The following NAALADL2 variants were observed in gnomAD, a reference collection of about 807,000 sequenced individuals.
NAALADL2 encodes the protein N-acetylated alpha-linked acidic dipeptidase like 2.
Under a neutral mutation model 87.2 loss-of-function variants are expected in NAALADL2, and 76 were observed. The ratio of observed to expected loss-of-function variants is 0.87; its 90% CI spans 0.72 to 1.05. The LOEUF (loss-of-function observed/expected upper bound fraction) is 1.05, where lower values mean the gene tolerates loss of function less well. Among genes scored for constraint, NAALADL2 ranks in the 50% least tolerant of loss-of-function variants. The pLI is 0.00. For missense variants in NAALADL2, 1,089 were observed against 945.8 expected, an observed-to-expected ratio of 1.15 and a Z score of -1.99; for synonymous variants, 354 against 331.0, an observed-to-expected ratio of 1.07 and a Z score of -0.75.
intron 2 of NAALADL2, among the ~76,000 whole-genome samples, chr3:174,622,999 C>T (rs575470834): frequency 1.6e-4 from 24 of 152,210 alleles, no homozygotes; most frequent in Non-Finnish European, 2.4e-4. Context: ...GCCAAGATCG[C>T]GCCACTGCAC....
intron 1 of NAALADL2, among the ~76,000 whole-genome samples, chr3:175,063,904 G>A (rs78620147): frequency 0.11 from 17,010 of 152,072 alleles, 1,085 homozygotes; most frequent in East Asian, 0.21. Context: ...ATTTTTAAAT[G>A]CTATTTAACT....
chr3:175,487,530 A>G (rs1463631269), intron 9 of NAALADL2: 2 of 456,454 alleles, frequency 4.4e-6, no homozygotes, highest in Non-Finnish European at 8.8e-6. Context: ...TCCTCCAGGA[A>G]CCTTAGTTCC....
intron 6 of NAALADL2, among the ~76,000 whole-genome samples, 163 bp downstream of exon 6, chr3:175,447,535 G>C (rs1180368962): frequency 2.6e-5 from 4 of 152,146 alleles, no homozygotes; most frequent in Non-Finnish European, 2.9e-5. Flanking sequence ...AGCATGTTTG[G>C]AAAGTAATTT....
chr3:175,653,810 T>C lies in NAALADL2; in HGVS notation c.1896+26424T>C, dbSNP rs190980957. 1.0e-3 allele frequency among the ~76,000 whole-genome samples: 158 copies of C among 152,332 alleles called. 1 individual carries two copies. The highest frequency in any genetic ancestry group is 1.8e-3 in the Admixed American group (28 of 15,298). On this transcript the variant is annotated intron_variant, in intron 11 of 13. Transcript: ENST00000454872. ...CCTTTCCATAGAGTACTGTGTATAATGAGCCTTAAAATTTTGTAAGACTCC... is the reference window on the plus strand; with the variant it reads ...CCTTTCCATAGAGTACTGTGTATAACGAGCCTTAAAATTTTGTAAGACTCC...
At chr3:175,301,052 G>A (rs1035191521) in intron 4 of NAALADL2, among the ~76,000 whole-genome samples, 3 of 152,102 alleles carry the variant, frequency 2.0e-5, no homozygotes, top group Non-Finnish European at 4.4e-5. Context: ...ACCACACCAG[G>A]TCTGATTCTT....
chr3:175,479,001 A>G (rs1448562058), intron 9 of NAALADL2, among the ~76,000 whole-genome samples: 1 of 151,884 alleles, frequency 6.6e-6, no homozygotes, highest in Non-Finnish European at 1.5e-5. Context: ...GACATATGAC[A>G]ATTTATATAG....
intron 1 of NAALADL2, among the ~76,000 whole-genome samples, chr3:174,914,187 C>T (rs898291127): frequency 5.3e-5 from 8 of 151,554 alleles, no homozygotes; most frequent in Admixed American, 2.6e-4. Flanking sequence ...CTCAGCCTCC[C>T]GAGTAGTTGG....
At chr3:174,555,095 G>A (rs1712593797) in intron 2 of NAALADL2, among the ~76,000 whole-genome samples, 1 of 152,160 alleles carries the variant, frequency 6.6e-6, no homozygotes, top group Non-Finnish European at 1.5e-5. Context: ...CTGGAGATTA[G>A]CTTTCTACAT....
rs149358803 is a variant in NAALADL2 at position 175,728,145 on chromosome 3, G to A, written c.1897-9161G>A. On this transcript the variant is annotated intron_variant, in intron 11 of 13. Coordinates refer to ENST00000454872, the MANE Select transcript of NAALADL2 (RefSeq NM_207015.3). ...CATAAATCTTGCTATAGGTCAAGGG[G>A]AGCAATGGAAAGGAAGTGAGACAAA... 7.2e-5 allele frequency among the ~76,000 whole-genome samples: 11 copies of A among 152,226 alleles called. No homozygotes were observed. In the East Asian group the frequency reaches 2.1e-3, roughly 29 times the overall value.
At chr3:175,147,997 G>C (rs986584754) in intron 2 of NAALADL2, among the ~76,000 whole-genome samples, 1 of 151,388 alleles carries the variant, frequency 6.6e-6, no homozygotes, top group Non-Finnish European at 1.5e-5. Context: ...TTGAACCCAG[G>C]AGGCAGAAGT....
intron 1 of NAALADL2, among the ~76,000 whole-genome samples, chr3:175,092,960 A>G (rs1720422277): frequency 6.6e-6 from 1 of 151,902 alleles, no homozygotes; most frequent in African/African-American, 2.4e-5. Context: ...GGTGTTACAG[A>G]TATTTCCATC....
intron 2 of NAALADL2, among the ~76,000 whole-genome samples, chr3:175,135,320 G>A (rs144883207): frequency 0.012 from 1,798 of 152,240 alleles, 47 homozygotes; most frequent in African/African-American, 0.041. Flanking sequence ...AATTCATTGT[G>A]TTGGGAAGAT....
rs572656733 is a variant in NAALADL2, at chr3:174,493,108, C to T, written c.-184+52076C>T. 1.4e-4 allele frequency among the ~76,000 whole-genome samples: 21 copies of T among 152,198 alleles called. No homozygotes were observed. The South Asian group carries it at 4.2e-3, about 30-fold the overall frequency. ...AAAACTTTCAAAAACATAACTAGAACCCAGCTTTTTTATTTGAGTGAGGAT... is the reference window on the plus strand; with the variant it reads ...AAAACTTTCAAAAACATAACTAGAATCCAGCTTTTTTATTTGAGTGAGGAT... On this transcript the variant is annotated intron_variant, in intron 1 of 3. Transcript: ENST00000434257.
chr3:175,381,359 A>C (rs1767758831), intron 5 of NAALADL2, among the ~76,000 whole-genome samples: 1 of 151,716 alleles, frequency 6.6e-6, no homozygotes, highest in Non-Finnish European at 1.5e-5. Flanking sequence ...CATGTAAAAA[A>C]GATTAGTTAC....
At chr3:174,463,163 G>A (rs192707955) in intron 1 of NAALADL2, among the ~76,000 whole-genome samples, 47 of 152,294 alleles carry the variant, frequency 3.1e-4, no homozygotes, top group African/African-American at 9.6e-4. Flanking sequence ...GATTTTGTGA[G>A]ATCCTGCAGA....
intron 3 of NAALADL2, among the ~76,000 whole-genome samples, chr3:174,764,992 C>T (rs1327589988): frequency 6.6e-6 from 1 of 151,966 alleles, no homozygotes; most frequent in Middle Eastern, 3.2e-3. Context: ...TTACTTTCTA[C>T]CTTTGTTTTT....
At chr3:174,599,779 C>T (rs1293450115) in intron 2 of NAALADL2, among the ~76,000 whole-genome samples, 1 of 152,048 alleles carries the variant, frequency 6.6e-6, no homozygotes, top group East Asian at 1.9e-4. Context: ...GATAATTCTT[C>T]TCTAGGTGTT....
At chr3:175,391,497 C>T (rs1021380824) in intron 5 of NAALADL2, among the ~76,000 whole-genome samples, 1 of 152,144 alleles carries the variant, frequency 6.6e-6, no homozygotes, top group Non-Finnish European at 1.5e-5. Flanking sequence ...CTGAGAGAGG[C>T]CTCAAGCCAA....
intron 5 of NAALADL2, among the ~76,000 whole-genome samples, chr3:175,391,636 G>A (rs1158099208): frequency 6.6e-6 from 1 of 152,146 alleles, no homozygotes; most frequent in Admixed American, 6.6e-5. Context: ...CTCAGCTGAG[G>A]TAGAGGTTAA....
Sources: allele counts gnomAD v4.1 joint callset (sites outside exome capture counted in the v4.1 genomes callset), GRCh38; gene constraint gnomAD v4.1.1; transcripts MANE v1.5; gene names NCBI Gene and HGNC (gene_info 2026-07-23, HGNC 2026-07-21).